The following MEF2C variants were observed in gnomAD, a reference collection of about 807,000 sequenced individuals.
The protein encoded by MEF2C is myocyte-specific enhancer factor 2C.
Under a neutral mutation model 50.5 loss-of-function variants are expected in MEF2C, and 6 were observed. The observed-to-expected ratio is 0.12, with a 90% CI of 0.07 to 0.23. The LOEUF (loss-of-function observed/expected upper bound fraction) is 0.23, where lower values mean the gene tolerates loss of function less well. MEF2C is among the 10% of genes least tolerant of loss of function. MEF2C has a pLI of 1.00. For synonymous variants in MEF2C, 183 were observed against 228.0 expected, an observed-to-expected ratio of 0.80 and a Z score of 1.78; for missense variants, 276 against 605.0, an observed-to-expected ratio of 0.46 and a Z score of 5.70.
chr5:88,735,186 C>G, intron 6 of MEF2C: 4 of 985,352 alleles, frequency 4.1e-6, no homozygotes, highest in Non-Finnish European at 4.8e-6. Flanking sequence ...GGCTGGGAAA[C>G]CGCAGCCTCC....
chr5:88,771,800 G>A (rs757057577), intron 3 of MEF2C: 2 of 172,816 alleles, frequency 1.2e-5, no homozygotes, highest in Non-Finnish European at 2.3e-5. Context: ...AGGAGTACAA[G>A]TTCTGGTAGG....
At chr5:88,880,899 CAA>C (rs1448632171) in intron 1 of MEF2C, 7 of 151,858 alleles carry the variant, frequency 4.6e-5, no homozygotes, top group African/African-American at 1.5e-4. Context: ...AAATAAAAAA[CAA>C]ATTAACATTT....
At chr5:88,869,693 AATT>A (rs1428123384) in intron 1 of MEF2C, among the ~76,000 whole-genome samples, 4 of 151,352 alleles carry the variant, frequency 2.6e-5, no homozygotes, top group African/African-American at 4.9e-5. Flanking sequence ...GTACCAGAAA[AATT>A]ATTTTTTATG....
chr5:88,872,796 C>G (rs918099198), intron 1 of MEF2C, among the ~76,000 whole-genome samples: 3 of 151,968 alleles, frequency 2.0e-5, no homozygotes, highest in Non-Finnish European at 4.4e-5. Flanking sequence ...CCTAAAACCA[C>G]TAATCAGTAA....
chr5:88,796,451 G>A (rs1384397261), intron 3 of MEF2C, among the ~76,000 whole-genome samples: 2 of 152,026 alleles, frequency 1.3e-5, no homozygotes, highest in South Asian at 2.1e-4. Context: ...ATTCTTTAAT[G>A]GTAGTTTGTA....
chr5:88,747,684 A>G (rs1453855206), intron 6 of MEF2C, among the ~76,000 whole-genome samples: 2 of 152,024 alleles, frequency 1.3e-5, no homozygotes, highest in African/African-American at 4.8e-5. Flanking sequence ...CAGAACCACT[A>G]CTAGCTGTTT....
chr5:88,733,307 C>A (rs1762477348), intron 6 of MEF2C: 3 of 985,134 alleles, frequency 3.0e-6, no homozygotes, highest in Non-Finnish European at 3.6e-6. Flanking sequence ...AGAAGGGGAC[C>A]CGTGAAAAGA....
At chr5:88,751,489 A>G in intron 5 of MEF2C, 5 of 985,470 alleles carry the variant, frequency 5.1e-6, no homozygotes, top group Non-Finnish European at 6.0e-6. Context: ...GGAAGGTTTC[A>G]CAGAAGTGGT....
Position 88,739,824 on chromosome 5 carries a change from T to G in MEF2C, c.638-7923A>C, listed in dbSNP as rs909290961. 25 of 985,198 alleles carry G rather than the reference T, an allele frequency of 2.5e-5. No homozygotes were observed. The African/African-American group carries it at 2.8e-4, about 11-fold the overall frequency. The allele number at this position is 985,198 out of a possible 1,614,324, so 61.0% of individuals were successfully genotyped here. A position where few individuals can be genotyped will look rare whatever the true frequency, so the allele number is the denominator to read the frequency against. On this transcript the variant is annotated intron_variant, in intron 6 of 10. Transcript: ENST00000504921. The stretch of plus-strand genomic sequence containing the variant: ...CATTCAGGGGTCAGAAATCTGGGTA[T>G]GATGAAAATTTCAATATGCTTAATG...
chr5:88,756,407 G>A (rs1775340645), intron 4 of MEF2C, among the ~76,000 whole-genome samples: 1 of 152,058 alleles, frequency 6.6e-6, no homozygotes, highest in African/African-American at 2.4e-5. Flanking sequence ...AGAACATACG[G>A]TATTAGATTT....
At chr5:88,769,655 G>C (rs1781535996) in intron 3 of MEF2C, among the ~76,000 whole-genome samples, 1 of 152,136 alleles carries the variant, frequency 6.6e-6, no homozygotes, top group Non-Finnish European at 1.5e-5. Context: ...TATAGTTGTT[G>C]TTGTTGTTAG....
At chr5:88,810,063 G>GT (rs1413252024) in intron 2 of MEF2C, among the ~76,000 whole-genome samples, 1 of 152,104 alleles carries the variant, frequency 6.6e-6, no homozygotes, top group Admixed American at 6.6e-5. Context: ...ACTCTGACCA[G>GT]TGGCCACTCA....
At chr5:88,869,280 T>TATATATATATATATATAC (rs1561420315) in intron 1 of MEF2C, among the ~76,000 whole-genome samples, 16 of 73,924 alleles carry the variant, frequency 2.2e-4, no homozygotes, top group Admixed American at 1.2e-3. Flanking sequence ...TATATATACA[T>TATATATATATATATATAC]ATATATATAT....
intron 2 of MEF2C, among the ~76,000 whole-genome samples, chr5:88,814,128 A>T (rs2153155279): frequency 6.6e-6 from 1 of 152,220 alleles, no homozygotes; most frequent in South Asian, 2.1e-4. Context: ...GACAATCTTT[A>T]ATTGGGAAAA....
At chr5:88,742,422 A>T in intron 6 of MEF2C, 1 of 983,382 alleles carries the variant, frequency 1.0e-6, no homozygotes, top group Non-Finnish European at 1.2e-6. Context: ...AAAACAACCA[A>T]GGTTTTCTTA....
intron 3 of MEF2C, among the ~76,000 whole-genome samples, chr5:88,792,248 A>G (rs1562059214): frequency 1.3e-5 from 2 of 152,110 alleles, no homozygotes. Flanking sequence ...AAAAAAAAAT[A>G]CAGTATACTT....
rs1401345640 is a variant in MEF2C at position 88,721,660 on chromosome 5, T to C, written c.*944A>G. The C allele has an allele frequency of 6.6e-6, 1 of 152,564 alleles. No homozygotes were observed. The highest frequency in any genetic ancestry group is 6.5e-5 in the Admixed American group (1 of 15,282). The allele number at this position is 152,564 out of a possible 1,614,324, so 9.5% of individuals were successfully genotyped here. On this transcript the variant is annotated 3_prime_UTR_variant, in exon 11 of 11. Transcript: ENST00000504921. ...TTTAAAAGATTCTTAATATTTTATA[T>C]AATTAGAAATACACATTTCAAAAAC...
chr5:88,860,602 C>T (rs1028301278), intron 1 of MEF2C, among the ~76,000 whole-genome samples: 4 of 152,264 alleles, frequency 2.6e-5, no homozygotes, highest in South Asian at 2.1e-4. Context: ...ATTCACCCAG[C>T]AGAGCTGCCC....
chr5:88,837,542 T>C (rs1815653588), intron 1 of MEF2C, among the ~76,000 whole-genome samples: 1 of 152,168 alleles, frequency 6.6e-6, no homozygotes, highest in African/African-American at 2.4e-5. Context: ...TCTTTAAGTC[T>C]CATTATCCTC....
Sources: allele counts gnomAD v4.1 joint callset (sites outside exome capture counted in the v4.1 genomes callset), GRCh38; gene constraint gnomAD v4.1.1; transcripts MANE v1.5; gene names NCBI Gene and HGNC (gene_info 2026-07-23, HGNC 2026-07-21).